Variants in CNTNAP2 observed in about 807,000 individuals in gnomAD.
CNTNAP2 encodes the protein contactin-associated protein-like 2.
A neutral mutation model predicts 155.2 loss-of-function variants in CNTNAP2; 98 were observed. The ratio of observed to expected loss-of-function variants is 0.63; its 90% CI spans 0.54 to 0.75. CNTNAP2 has a LOEUF of 0.75. CNTNAP2 is among the 30% of genes least tolerant of loss of function. The probability of loss-of-function intolerance (pLI) is 0.00; values close to 1 mark genes in which losing one functional copy is unlikely to be tolerated. For missense variants in CNTNAP2, 1,727 were observed against 1,688.1 expected, an observed-to-expected ratio of 1.02 and a Z score of -0.40; for synonymous variants, 651 against 631.2, an observed-to-expected ratio of 1.03 and a Z score of -0.47.
chr7:147,318,957 G>A (rs1028719949), intron 9 of CNTNAP2, among the ~76,000 whole-genome samples: 12 of 152,018 alleles, frequency 7.9e-5, no homozygotes. Context: ...AAACAAACTA[G>A]ATAAGATAAA....
At chr7:148,196,910 G>C (rs12531693) in intron 18 of CNTNAP2, among the ~76,000 whole-genome samples, 44,988 of 152,038 alleles carry the variant, frequency 0.3, 6,805 homozygotes, top group Middle Eastern at 0.36. Flanking sequence ...CAGGCTCAAG[G>C]GAGGGATTCA....
At position 146,642,728 on chromosome 7, in the gene CNTNAP2, T is replaced by C. The variant is rs184191231; in HGVS notation, c.98-131543T>C. Among the ~76,000 whole-genome samples the C allele has an allele frequency of 9.3e-3, 1,418 of 152,122 alleles. 15 individuals are homozygous for C. Among genetic ancestry groups the C allele is most frequent in the African/African-American group, 0.031 (1,304 of 41,428 alleles). ...TTCTAGTTCTAGATCTCTGAGGAAT[T>C]GCCACACTGACTTCCACAATGGTTG... On this transcript the variant is annotated intron_variant, in intron 1 of 23. Transcript: ENST00000361727.
chr7:146,630,375 G>A (rs1487993751), intron 1 of CNTNAP2, among the ~76,000 whole-genome samples: 1 of 152,080 alleles, frequency 6.6e-6, no homozygotes, highest in South Asian at 2.1e-4. Flanking sequence ...TCTTTATCCA[G>A]TCTATCATTG....
chr7:146,806,615 A>C (rs1802972267), intron 2 of CNTNAP2, among the ~76,000 whole-genome samples: 1 of 152,204 alleles, frequency 6.6e-6, no homozygotes, highest in Admixed American at 6.6e-5. Flanking sequence ...AAATACCTGT[A>C]GAGCAGGAAT....
At chr7:147,556,500 C>T (rs1799954754) in intron 11 of CNTNAP2, among the ~76,000 whole-genome samples, 1 of 151,972 alleles carries the variant, frequency 6.6e-6, no homozygotes, top group Admixed American at 6.6e-5. Flanking sequence ...ATCTGGGTGG[C>T]TTTGTGTAAT....
intron 11 of CNTNAP2, 45 bp downstream of exon 11, chr7:147,486,086 A>G: frequency 1.3e-6 from 2 of 1,524,916 alleles, no homozygotes; most frequent in South Asian, 1.1e-5. Context: ...TTGCATGAGA[A>G]TCTCAAGTCT....
intron 20 of CNTNAP2, among the ~76,000 whole-genome samples, chr7:148,253,017 G>GATAGATAC (rs1257069045): frequency 7.3e-6 from 1 of 136,214 alleles, no homozygotes; most frequent in African/African-American, 2.8e-5. Context: ...TACATAGATA[G>GATAGATAC]ATAGATAGAT....
chr7:148,149,304 A>T (rs17483113), intron 17 of CNTNAP2, among the ~76,000 whole-genome samples: 1 of 152,198 alleles, frequency 6.6e-6, no homozygotes, highest in Non-Finnish European at 1.5e-5. Context: ...TGGAAGGAAC[A>T]TCAATTCACT....
At position 147,785,444 on chromosome 7, in the gene CNTNAP2, A is replaced by G. The variant is rs115089478; in HGVS notation, c.2099-118121A>G. On this transcript the variant is annotated intron_variant, in intron 13 of 23. Coordinates refer to ENST00000361727, the MANE Select transcript of CNTNAP2 (RefSeq NM_014141.6). ...GCTTCTTGGTGCCCTAAAACTTACT[A>G]TTTGGTAGAATAATAGGTGGGAAAG... 3.4e-3 allele frequency among the ~76,000 whole-genome samples: 518 copies of G among 152,210 alleles called. 4 individuals carry two copies. The highest frequency in any genetic ancestry group is 0.012 in the African/African-American group (487 of 41,530).
At chr7:147,322,369 T>G (rs1472671359) in intron 9 of CNTNAP2, among the ~76,000 whole-genome samples, 1 of 152,224 alleles carries the variant, frequency 6.6e-6, no homozygotes, top group Non-Finnish European at 1.5e-5. Context: ...TTAAACAGTT[T>G]ATATTATCTG....
intron 10 of CNTNAP2, among the ~76,000 whole-genome samples, chr7:147,447,393 G>A (rs1391072554): frequency 6.6e-6 from 1 of 152,086 alleles, no homozygotes; most frequent in East Asian, 1.9e-4. Flanking sequence ...AATATTTAAG[G>A]TTATAGTATT....
At chr7:146,151,635 G>GATATATATATATATATATATATATATAT (rs1226681385) in intron 1 of CNTNAP2, among the ~76,000 whole-genome samples, 10 of 36,402 alleles carry the variant, frequency 2.7e-4, no homozygotes, top group Non-Finnish European at 3.3e-4. Flanking sequence ...AAGAAAACGT[G>GATATATATATATATATATATATATATAT]ATATATATAT....
intron 1 of CNTNAP2, among the ~76,000 whole-genome samples, chr7:146,447,290 A>T (rs1053866660): frequency 6.6e-6 from 1 of 152,044 alleles, no homozygotes; most frequent in Non-Finnish European, 1.5e-5. Flanking sequence ...AAAAGAAAGG[A>T]GCTAATTTAT....
chr7:147,680,273 C>G (rs888176161), intron 13 of CNTNAP2, among the ~76,000 whole-genome samples: 25 of 151,888 alleles, frequency 1.6e-4, no homozygotes, highest in African/African-American at 6.0e-4. Flanking sequence ...ACTTGTCCCA[C>G]TATAATTCCT....
At chr7:147,026,958 G>A (rs2024194) in intron 3 of CNTNAP2, among the ~76,000 whole-genome samples, 36,946 of 135,724 alleles carry the variant, frequency 0.27, 6,092 homozygotes, top group African/African-American at 0.48. Context: ...ACCTGCATCT[G>A]TCACACCTGA....
chr7:146,527,522 GGTA>G (rs1797708427), intron 1 of CNTNAP2, among the ~76,000 whole-genome samples: 1 of 151,080 alleles, frequency 6.6e-6, no homozygotes, highest in African/African-American at 2.5e-5. Flanking sequence ...TTACACAGAT[GGTA>G]TTTGTAAGGG....
At chr7:146,435,460 T>C (rs1445230529) in intron 1 of CNTNAP2, among the ~76,000 whole-genome samples, 1 of 152,198 alleles carries the variant, frequency 6.6e-6, no homozygotes, top group African/African-American at 2.4e-5. Flanking sequence ...TTTGTAAGCG[T>C]AGAGTTTGTA....
chr7:146,377,567 A>G (rs923270223), intron 1 of CNTNAP2, among the ~76,000 whole-genome samples: 3 of 152,108 alleles, frequency 2.0e-5, no homozygotes, highest in Non-Finnish European at 2.9e-5. Context: ...GAAACATACT[A>G]TGTCCAAGGA....
At chr7:148,002,130 T>C (rs1250742115) in intron 15 of CNTNAP2, among the ~76,000 whole-genome samples, 2 of 152,208 alleles carry the variant, frequency 1.3e-5, no homozygotes, top group Non-Finnish European at 1.5e-5. Context: ...TATAGTTAAT[T>C]ATTATGAGAA....
Sources: allele counts gnomAD v4.1 joint callset (sites outside exome capture counted in the v4.1 genomes callset), GRCh38; gene constraint gnomAD v4.1.1; transcripts MANE v1.5; gene names NCBI Gene and HGNC (gene_info 2026-07-23, HGNC 2026-07-21).